MTFR1: variants seen among roughly 807,000 people sequenced by gnomAD.
MTFR1 encodes the protein chondrocyte protein with a poly-proline region.
Under a neutral mutation model 38.8 loss-of-function variants are expected in MTFR1, and 28 were observed. That is an observed-to-expected ratio of 0.72 (90% CI 0.53 to 0.99). The LOEUF (loss-of-function observed/expected upper bound fraction) is 0.99. MTFR1 is among the 50% of genes least tolerant of loss of function. The pLI is 0.00. For synonymous variants in MTFR1, 145 were observed against 137.0 expected, an observed-to-expected ratio of 1.06 and a Z score of -0.41; for missense variants, 358 against 395.5, an observed-to-expected ratio of 0.91 and a Z score of 0.81.
chr8:65,676,522 C>T (rs1804711720), intron 2 of MTFR1, among the ~76,000 whole-genome samples: 2 of 152,078 alleles, frequency 1.3e-5, no homozygotes, highest in African/African-American at 4.8e-5. Flanking sequence ...CGCCATCACC[C>T]CTGGCTAATT....
At chr8:65,703,419 GTTTTTTTTTTTTTTTTTTTTTTT>G (rs553260839) in intron 4 of MTFR1, among the ~76,000 whole-genome samples, 3 of 50,940 alleles carry the variant, frequency 5.9e-5, no homozygotes, top group East Asian at 1.3e-3. Context: ...GATGTCTCTG[GTTTTTTTTTTTTTTTTTTTTTTT>G]TTTTTTTTTG....
chr8:65,740,184 G>T, intron 3 of MTFR1, among the ~76,000 whole-genome samples: 1 of 141,734 alleles, frequency 7.1e-6, no homozygotes, highest in Non-Finnish European at 1.5e-5. Context: ...GGTGGGGAGG[G>T]GGAATCACAA....
rs139115659 is a variant in MTFR1 at position 65,704,726 on chromosome 8, A to T, written c.314A>T (p.Asp105Val). ...TEVRSRPPLQ[D>V]DLLFFEKAPS... is the part of the protein sequence containing the mutation. ...GTCAGATCAAGGCCACCCCTTCAGG[A>T]TGACCTTCTTTTCTTTGAGAAGGCC... Residue 105 changes from aspartate to valine, a missense_variant, in exon 5 of 8, where the codon GAT (aspartate) becomes GTT (valine). Coordinates refer to ENST00000262146, the MANE Select transcript of MTFR1 (RefSeq NM_014637.4). The T allele has an allele frequency of 1.9e-5, 30 of 1,614,046 alleles. 1 individual carries two copies. In the South Asian group the frequency reaches 3.1e-4, roughly 17 times the overall value.
At chr8:65,754,331 A>C (rs752099844) in intron 3 of MTFR1, among the ~76,000 whole-genome samples, 2 of 151,994 alleles carry the variant, frequency 1.3e-5, no homozygotes, top group Non-Finnish European at 2.9e-5. Flanking sequence ...CCTCACAGAC[A>C]CACCCAGGAT....
chr8:65,708,160 C>T (rs565698899), intron 7 of MTFR1, 149 bp downstream of exon 7: 11 of 1,503,454 alleles, frequency 7.3e-6, no homozygotes, highest in Middle Eastern at 1.7e-4. Flanking sequence ...AAGTAGATCA[C>T]GGCTGGTTGG....
At chr8:65,715,215 AT>A (rs938355847), downstream of MTFR1, among the ~76,000 whole-genome samples, 3 of 152,082 alleles carry the variant, frequency 2.0e-5, no homozygotes, top group African/African-American at 7.2e-5. Context: ...TTAGAAAAAA[AT>A]ATTCCAGTAA....
At chr8:65,716,735 G>C (rs1377049454) in intron 2 of MTFR1, among the ~76,000 whole-genome samples, 2 of 152,204 alleles carry the variant, frequency 1.3e-5, no homozygotes, top group Non-Finnish European at 2.9e-5. Context: ...GTTAATGTGG[G>C]TTTGCCATGA....
At chr8:65,739,066 G>A (rs1227236420) in intron 3 of MTFR1, among the ~76,000 whole-genome samples, 1 of 152,212 alleles carries the variant, frequency 6.6e-6, no homozygotes, top group African/African-American at 2.4e-5. Context: ...AGCGGCCTGG[G>A]GATATCAGCT....
At chr8:65,646,504 G>T (rs1390179955) in intron 1 of MTFR1, among the ~76,000 whole-genome samples, 19 of 151,954 alleles carry the variant, frequency 1.3e-4, no homozygotes, top group Admixed American at 1.2e-3. Context: ...AGGTATGTTT[G>T]TTCTTTGAAA....
intron 1 of MTFR1, among the ~76,000 whole-genome samples, chr8:65,662,987 G>T (rs1804236382): frequency 6.6e-6 from 1 of 151,994 alleles, no homozygotes; most frequent in African/African-American, 2.4e-5. Context: ...CTACTGGGAA[G>T]GGAGGAGCCC....
At chr8:65,705,548 C>T (rs541162267) in intron 5 of MTFR1, among the ~76,000 whole-genome samples, 3 of 152,278 alleles carry the variant, frequency 2.0e-5, no homozygotes, top group South Asian at 2.1e-4. Flanking sequence ...AGGATAATGG[C>T]ACCAACCATA....
chr8:65,709,078 C>T lies in MTFR1; in HGVS notation c.*34C>T, dbSNP rs1554552173. ...GAGCTGCGAAAAGACTCCTGGTTCC[C>T]CTGTTGATTTGTGAGGGCCAAGTTT... On this transcript the variant is annotated 3_prime_UTR_variant, in exon 8 of 8. Transcript: ENST00000262146. The T allele has an allele frequency of 2.0e-5, 32 of 1,605,546 alleles. No individual in the cohort carries two copies.
chr8:65,682,791 A>G (rs1010070779), intron 3 of MTFR1: 20 of 985,054 alleles, frequency 2.0e-5, no homozygotes, highest in Non-Finnish European at 2.3e-5. Context: ...TTTCTTCTGT[A>G]ATTATACCTT....
At chr8:65,741,092 T>C (rs376414487) in intron 3 of MTFR1, among the ~76,000 whole-genome samples, 39 of 152,228 alleles carry the variant, frequency 2.6e-4, no homozygotes, top group African/African-American at 8.7e-4. Flanking sequence ...ATGGTGTAAC[T>C]CTCCATTTTT....
chr8:65,703,088 T>G (rs969641087), intron 4 of MTFR1, among the ~76,000 whole-genome samples: 1 of 142,280 alleles, frequency 7.0e-6, no homozygotes, highest in African/African-American at 2.6e-5. Context: ...TTTAAGGTAA[T>G]GGAAAAAAAA....
Position 65,726,981 on chromosome 8 carries a change from G to A in MTFR1, c.*48+7500G>A, listed in dbSNP as rs199835248. The A allele has an allele frequency of 8.7e-5, 122 of 1,407,800 alleles. No individual in the cohort carries two copies. In the East Asian group the frequency reaches 2.4e-3, roughly 28 times the overall value. 87.2% of individuals were successfully genotyped at this position (1,407,800 alleles called of 1,614,324 possible). A position where few individuals can be genotyped will look rare whatever the true frequency, so the allele number is the denominator to read the frequency against. On this transcript the variant is annotated intron_variant, in intron 3 of 3. Transcript: ENST00000521247. ...ACTGAGGTATTCTACAACAAAGGAC[G>A]TTTCTGAGTTACTTAATGATACGTC...
intron 1 of MTFR1, among the ~76,000 whole-genome samples, chr8:65,660,792 A>T (rs1019989219): frequency 1.3e-5 from 2 of 152,238 alleles, no homozygotes; most frequent in Admixed American, 1.3e-4. Context: ...AGCTTTATTC[A>T]TAGTTTATCA....
At chr8:65,660,602 G>T (rs967165718) in intron 1 of MTFR1, among the ~76,000 whole-genome samples, 5 of 152,150 alleles carry the variant, frequency 3.3e-5, no homozygotes, top group Non-Finnish European at 7.3e-5. Context: ...TATTAGCTCT[G>T]TCGGCCTCCA....
intron 1 of MTFR1, among the ~76,000 whole-genome samples, chr8:65,655,168 G>C (rs1161263522): frequency 6.6e-6 from 1 of 152,182 alleles, no homozygotes; most frequent in African/African-American, 2.4e-5. Flanking sequence ...TTATATTTCA[G>C]AGATTCTCAC....
Sources: gnomAD v4.1 joint callset for allele counts (sites outside exome capture counted in the v4.1 genomes callset) on GRCh38, gnomAD v4.1.1 for gene constraint, MANE v1.5 for transcripts, NCBI Gene and HGNC (gene_info 2026-07-23, HGNC 2026-07-21) for gene names.